The following PTPN5 variants were observed in gnomAD, a reference collection of about 807,000 sequenced individuals.
PTPN5 encodes protein tyrosine phosphatase non-receptor type 5.
PTPN5 carries 29 observed loss-of-function variants against 73.9 expected under a neutral mutation model. The observed-to-expected ratio is 0.39, with a 90% CI of 0.29 to 0.54. The LOEUF (loss-of-function observed/expected upper bound fraction) is 0.54, where lower values mean the gene tolerates loss of function less well. Among genes scored for constraint, PTPN5 ranks in the 20% least tolerant of loss-of-function variants. The pLI is 0.65. For synonymous variants in PTPN5, 267 were observed against 304.7 expected, an observed-to-expected ratio of 0.88 and a Z score of 1.29; for missense variants, 652 against 751.4, an observed-to-expected ratio of 0.87 and a Z score of 1.55.
chr11:18,772,218 C>T (rs1194042354), intron 1 of PTPN5, 147 bp from the exon 2 acceptor site: 5 of 524,270 alleles, frequency 9.5e-6, no homozygotes, highest in Non-Finnish European at 9.9e-6. Context: ...TCTTGCTACA[C>T]AGACAGCCCA....
At chr11:18,757,578 ACACTGTGCTGTGTG>A (rs971732955) in intron 3 of PTPN5, among the ~76,000 whole-genome samples, 1 of 151,870 alleles carries the variant, frequency 6.6e-6, no homozygotes, top group Non-Finnish European at 1.5e-5. Context: ...TCATGAGAGT[ACACTGTGCTGTGTG>A]TATTCCTAGA....
chr11:18,732,288 AC>A (rs1322643621), intron 12 of PTPN5, among the ~76,000 whole-genome samples: 2 of 152,184 alleles, frequency 1.3e-5, no homozygotes, highest in African/African-American at 4.8e-5. Flanking sequence ...CCTCATCCAG[AC>A]AGTCCTGGCC....
chr11:18,755,990 T>C lies in PTPN5; in HGVS notation c.97+9817A>G, dbSNP rs1259613237. Among the ~76,000 whole-genome samples the C allele has an allele frequency of 6.1e-5, 7 of 114,424 alleles. No individual in the cohort carries two copies. In the East Asian group the frequency reaches 1.8e-3, roughly 29 times the overall value. The allele number at this position is 114,424 out of a possible 152,430, so 75.1% of individuals were successfully genotyped here. A position where few individuals can be genotyped will look rare whatever the true frequency, so the allele number is the denominator to read the frequency against. On this transcript the variant is annotated intron_variant, in intron 3 of 14. Transcript: ENST00000358540. ...CTGCACTCCAGCCTGGGCGACAGAG[T>C]GAGACTCTAAATAAAAAAAAAAAAA...
intron 1 of PTPN5, among the ~76,000 whole-genome samples, chr11:18,772,812 T>C (rs1312912845): frequency 1.3e-5 from 2 of 152,080 alleles, no homozygotes; most frequent in Non-Finnish European, 2.9e-5. Context: ...AAGCATCTCA[T>C]GGGGGATGTA....
At position 18,732,762 on chromosome 11, in the gene PTPN5, C is replaced by A. The variant is rs926134631; in HGVS notation, c.1219-60G>T. 4 of 1,409,524 alleles carry A rather than the reference C, an allele frequency of 2.8e-6. No individual in the cohort carries two copies. In the African/African-American group the frequency reaches 4.2e-5, roughly 15 times the overall value. 87.3% of individuals were successfully genotyped at this position (1,409,524 alleles called of 1,614,324 possible). On this transcript the variant is annotated intron_variant, in intron 11 of 14. Coordinates refer to ENST00000358540, the MANE Select transcript of PTPN5 (RefSeq NM_006906.2). ...TGTTCCCTTCCCACAACTCTCTACA[C>A]TCTCTTCAGGGCCAGCGGAGAGATA...
At chr11:18,748,745 T>C (rs1200143251) in intron 3 of PTPN5, among the ~76,000 whole-genome samples, 3 of 152,166 alleles carry the variant, frequency 2.0e-5, no homozygotes, top group African/African-American at 7.2e-5. Flanking sequence ...GATTTGTGCC[T>C]GAGTCCAACA....
At chr11:18,741,417 A>G (rs996810910) in intron 7 of PTPN5, among the ~76,000 whole-genome samples, 1 of 152,162 alleles carries the variant, frequency 6.6e-6, no homozygotes, top group Non-Finnish European at 1.5e-5. Context: ...ATTACATAGA[A>G]AGAGAAACTG....
chr11:18,732,055 G>T (rs954551483), intron 12 of PTPN5, among the ~76,000 whole-genome samples: 4 of 152,180 alleles, frequency 2.6e-5, no homozygotes, highest in Admixed American at 1.3e-4. Flanking sequence ...GGGCTGTTTT[G>T]TATTGCTCAT....
chr11:18,768,066 T>C (rs1178654526), intron 2 of PTPN5, among the ~76,000 whole-genome samples: 1 of 152,258 alleles, frequency 6.6e-6, no homozygotes, highest in Non-Finnish European at 1.5e-5. Context: ...TATTTACCAT[T>C]GTATCTTCAA....
chr11:18,733,706 T>C lies in PTPN5; in HGVS notation c.1001-71A>G. ...TGCAGGACCCACTTGCTCTGGCCTA[T>C]TCCAGCATACCCACACTTCTTCTGC... is the stretch of plus-strand genomic sequence containing the variant. On this transcript the variant is annotated intron_variant, in intron 9 of 14. Coordinates refer to ENST00000358540, the MANE Select transcript of PTPN5 (RefSeq NM_006906.2). This position sits in a 1 kb window ranked among gnomAD's most constrained non-coding sequence, Gnocchi z 4.3. 1 of 1,327,182 alleles carries C rather than the reference T, an allele frequency of 7.5e-7. No individual in the cohort carries two copies. The highest frequency in any genetic ancestry group is 1.4e-5 in the African/African-American group (1 of 69,404). The allele number at this position is 1,327,182 out of a possible 1,614,324, so 82.2% of individuals were successfully genotyped here. A position where few individuals can be genotyped will look rare whatever the true frequency, so the allele number is the denominator to read the frequency against.
At chr11:18,791,211 C>A (rs1475026027) in intron 1 of PTPN5, among the ~76,000 whole-genome samples, 1 of 152,236 alleles carries the variant, frequency 6.6e-6, no homozygotes, top group African/African-American at 2.4e-5. Flanking sequence ...CGCGCACCAG[C>A]CTCCGCCGGC....
At chr11:18,731,212 T>C (rs1437854288) in intron 12 of PTPN5, among the ~76,000 whole-genome samples, 1 of 148,186 alleles carries the variant, frequency 6.7e-6, no homozygotes, top group African/African-American at 2.5e-5. Context: ...ATATTTTATA[T>C]ATAGGTATAA....
At position 18,729,629 on chromosome 11, in the gene PTPN5, C is replaced by G. The variant is rs199799093; in HGVS notation, c.1490+29G>C. On this transcript the variant is annotated intron_variant, in intron 13 of 14. Transcript: ENST00000358540. The surrounding 1 kb of genome is among the most constrained non-coding windows in gnomAD (Gnocchi z 5.2). ...CAGCCCAGCGGGTGGGGGGCTGCCC[C>G]GCTCCAGTGGCTGGCTGGGAGGACC... The G allele has an allele frequency of 2.5e-6, 4 of 1,576,714 alleles. No individual in the cohort carries two copies. The South Asian group carries it at 3.4e-5, about 13-fold the overall frequency.
At chr11:18,764,470 G>A (rs1365387384) in intron 3 of PTPN5, among the ~76,000 whole-genome samples, 2 of 152,192 alleles carry the variant, frequency 1.3e-5, no homozygotes, top group Non-Finnish European at 2.9e-5. Flanking sequence ...ACTGGTTAAG[G>A]TATGAACTGC....
chr11:18,754,704 A>C (rs2134262526), intron 3 of PTPN5, among the ~76,000 whole-genome samples: 1 of 152,312 alleles, frequency 6.6e-6, no homozygotes, highest in Non-Finnish European at 1.5e-5. Flanking sequence ...ACCTCCCCCT[A>C]CAATAAAAGC....
intron 1 of PTPN5, among the ~76,000 whole-genome samples, chr11:18,789,917 ACCTGTT>A (rs1851837386): frequency 6.6e-6 from 1 of 151,876 alleles, no homozygotes; most frequent in Admixed American, 6.6e-5. Flanking sequence ...ACCAAATACC[ACCTGTT>A]CCCCAAAAAT....
rs1848993250 is a variant in PTPN5 at position 18,733,672 on chromosome 11, G to A, written c.1001-37C>T. 1.9e-6 allele frequency: 3 copies of A among 1,592,814 alleles called. No homozygotes were observed. The highest frequency in any genetic ancestry group is 8.6e-7 in the Non-Finnish European group (1 of 1,160,832). ...GGAGACAAGTAAGGCTGGAAACTGG[G>A]CCCTCTGGTGCAGGACCCACTTGCT... On this transcript the variant is annotated intron_variant, in intron 9 of 14. Transcript: ENST00000358540. This position sits in a 1 kb window ranked among gnomAD's most constrained non-coding sequence, Gnocchi z 4.3.
intron 1 of PTPN5, among the ~76,000 whole-genome samples, chr11:18,776,496 T>A (rs1851163670): frequency 6.6e-6 from 1 of 152,146 alleles, no homozygotes; most frequent in South Asian, 2.1e-4. Context: ...ACCTGTGGTC[T>A]GTGATTACCG....
rs1191426589 is a variant in PTPN5 at position 18,744,070 on chromosome 11, C to A, written c.227G>T (p.Gly76Val). 2 of 1,609,818 alleles carry A rather than the reference C, an allele frequency of 1.2e-6. No homozygotes were observed. Among genetic ancestry groups the A allele is most frequent in the Non-Finnish European group, 1.7e-6 (2 of 1,178,296 alleles). Residue 76 changes from glycine to valine, a missense_variant, in exon 4 of 15, where the codon GGC becomes GTC. Gly to Val is a moderately radical substitution (Grantham distance 109). Transcript: ENST00000358540. Reference protein sequence around the residue: ...SDPAQKPPPRGAGSHSLTVRS... With the variant: ...SDPAQKPPPRVAGSHSLTVRS... ...GACAGTGAGGGAGTGGCTCCCAGCG[C>A]CTCGAGGTGGTGGCTTCTGAGCTGG...
Sources: allele counts gnomAD v4.1 joint callset (sites outside exome capture counted in the v4.1 genomes callset), GRCh38; gene constraint gnomAD v4.1.1; non-coding constraint Gnocchi (gnomAD v3.1); transcripts MANE v1.5; gene names NCBI Gene and HGNC (gene_info 2026-07-23, HGNC 2026-07-21).